RP1: variants seen among roughly 807,000 people sequenced by gnomAD.
RP1 encodes the protein oxygen-regulated protein 1.
A neutral mutation model predicts 14.8 loss-of-function variants in RP1; 16 were observed. That is an observed-to-expected ratio of 1.08 (90% confidence interval 0.73 to 1.65). The LOEUF is 1.65. Ranked by LOEUF, RP1 falls within the 40% of genes most tolerant of loss-of-function variation. RP1 has a pLI of 0.00. For synonymous variants in RP1, 876 were observed against 883.6 expected (o/e 0.99, Z 0.15); for missense variants, 2,631 against 2,535.0 (o/e 1.04, Z -0.81).
At chr8:54,772,137 C>G (rs1265006252), downstream of RP1, among the ~76,000 whole-genome samples, 1 of 152,060 alleles carries the variant, frequency 6.6e-6, no homozygotes, top group Non-Finnish European at 1.5e-5. Context: ...AACCTTGACA[C>G]CTTATAATCT....
At chr8:54,696,948 G>T in intron 12 of RP1, 2 of 1,130,872 alleles carry the variant, frequency 1.8e-6, no homozygotes, top group Non-Finnish European at 2.6e-6. Flanking sequence ...GACATCATTT[G>T]CTTGGAAGAC....
chr8:54,663,654 A>G, intron 6 of RP1: 1 of 1,452,502 alleles, frequency 6.9e-7, no homozygotes, highest in Non-Finnish European at 9.0e-7. Flanking sequence ...TTTCTGTTAT[A>G]TGAGTACTGC....
At chr8:54,675,952 T>C (rs534586435) in intron 8 of RP1, among the ~76,000 whole-genome samples, 2 of 152,130 alleles carry the variant, frequency 1.3e-5, no homozygotes, top group Non-Finnish European at 2.9e-5. Context: ...CTGGCATTTG[T>C]TGTCTTGGGA....
chr8:54,716,448 AC>A (rs1266230972), intron 15 of RP1, among the ~76,000 whole-genome samples: 5 of 152,278 alleles, frequency 3.3e-5, no homozygotes, highest in African/African-American at 1.2e-4. Flanking sequence ...CGGGACATAG[AC>A]CATTCTTGAG....
At chr8:54,696,998 G>T (rs937033935) in intron 12 of RP1, 2 of 1,410,934 alleles carry the variant, frequency 1.4e-6, no homozygotes, top group Admixed American at 1.7e-5. Context: ...TCATTTCCAG[G>T]AGATCTCATG....
intron 23 of RP1, among the ~76,000 whole-genome samples, chr8:54,779,831 T>G (rs915335684): frequency 6.6e-6 from 1 of 152,186 alleles, no homozygotes; most frequent in African/African-American, 2.4e-5. Flanking sequence ...CTGATAGAAA[T>G]GCTAACGGTA....
At chr8:54,735,141 A>C (rs1362577044) in intron 18 of RP1, among the ~76,000 whole-genome samples, 2 of 152,134 alleles carry the variant, frequency 1.3e-5, no homozygotes, top group Non-Finnish European at 2.9e-5. Flanking sequence ...ACAGGTCTGA[A>C]ATTATTTTCT....
intron 15 of RP1, among the ~76,000 whole-genome samples, chr8:54,709,720 G>C (rs890117730): frequency 2.0e-5 from 3 of 152,170 alleles, no homozygotes; most frequent in African/African-American, 7.2e-5. Flanking sequence ...ACCATAGCTA[G>C]GTTACATGAG....
chr8:54,605,003 T>C (rs1805392894), intron 1 of RP1, among the ~76,000 whole-genome samples: 1 of 152,306 alleles, frequency 6.6e-6, no homozygotes, highest in African/African-American at 2.4e-5. Context: ...CTGGATTCAT[T>C]GATTTTTTGA....
chr8:54,668,785 C>G (rs1245934899), intron 7 of RP1, among the ~76,000 whole-genome samples: 1 of 152,154 alleles, frequency 6.6e-6, no homozygotes, highest in Non-Finnish European at 1.5e-5. Context: ...AAAGGATTCC[C>G]TATTTAATAA....
intron 22 of RP1, among the ~76,000 whole-genome samples, chr8:54,767,178 C>T (rs749870864): frequency 6.6e-6 from 1 of 152,080 alleles, no homozygotes; most frequent in East Asian, 1.9e-4. Flanking sequence ...TACCATAATA[C>T]ATTTATGTAT....
chr8:54,589,238 A>G (rs1804993346), intron 1 of RP1, among the ~76,000 whole-genome samples: 1 of 152,164 alleles, frequency 6.6e-6, no homozygotes, highest in Admixed American at 6.5e-5. Context: ...CTATAGAGTT[A>G]TTGTGTTAGG....
intron 24 of RP1, among the ~76,000 whole-genome samples, chr8:54,833,434 A>G (rs879595131): frequency 5.9e-5 from 9 of 151,932 alleles, no homozygotes; most frequent in Non-Finnish European, 1.3e-4. Flanking sequence ...TTGTTGCTAG[A>G]GAGTTAGGTC....
intron 22 of RP1, among the ~76,000 whole-genome samples, chr8:54,769,107 G>A (rs1211702881): frequency 2.0e-5 from 3 of 151,928 alleles, no homozygotes; most frequent in Non-Finnish European, 4.4e-5. Flanking sequence ...TGTTAGCCAG[G>A]ATGGTCTCGA....
intron 14 of RP1, among the ~76,000 whole-genome samples, chr8:54,704,857 CATAT>C (rs1236349624): frequency 6.6e-6 from 1 of 152,086 alleles, no homozygotes; most frequent in African/African-American, 2.4e-5. Context: ...CACACACACA[CATAT>C]GTCTTTTTTG....
intron 24 of RP1, among the ~76,000 whole-genome samples, chr8:54,786,404 T>C (rs1810318579): frequency 6.6e-6 from 1 of 152,054 alleles, no homozygotes; most frequent in South Asian, 2.1e-4. Context: ...TCTCTGCTTG[T>C]TTTTGGCTTT....
intron 24 of RP1, among the ~76,000 whole-genome samples, chr8:54,807,372 A>C (rs1810877907): frequency 6.6e-6 from 1 of 152,202 alleles, no homozygotes; most frequent in Non-Finnish European, 1.5e-5. Context: ...TGGTAGTTAC[A>C]TGGTTAGAGT....
chr8:54,614,455 A>T (rs1439921790), upstream of RP1, among the ~76,000 whole-genome samples: 1 of 151,994 alleles, frequency 6.6e-6, no homozygotes, highest in African/African-American at 2.4e-5. Flanking sequence ...AGACTCTCAG[A>T]CCCCACCCCA....
At chr8:54,567,837 G>A (rs553961137) in intron 1 of RP1, among the ~76,000 whole-genome samples, 3 of 152,340 alleles carry the variant, frequency 2.0e-5, no homozygotes, top group Admixed American at 2.0e-4. Flanking sequence ...GTTTATGTGT[G>A]TGTTGTGGTT....
Sources: allele counts gnomAD v4.1 joint callset (sites outside exome capture counted in the v4.1 genomes callset), GRCh38; gene constraint gnomAD v4.1.1; transcripts MANE v1.5; gene names NCBI Gene and HGNC (gene_info 2026-07-23, HGNC 2026-07-21).